Variants in CNTN6 observed in about 807,000 individuals in gnomAD.
CNTN6 encodes contactin-6.
A neutral mutation model predicts 122.8 loss-of-function variants in CNTN6; 137 were observed. The ratio of observed to expected loss-of-function variants is 1.12; its 90% CI spans 0.97 to 1.29. The LOEUF (loss-of-function observed/expected upper bound fraction) is 1.29. Among genes scored for constraint, CNTN6 ranks in the 50% most tolerant of loss-of-function variants. The pLI is 0.00. For synonymous variants in CNTN6, 570 were observed against 426.0 expected, an observed-to-expected ratio of 1.34 and a Z score of -4.16; for missense variants, 1,634 against 1,223.4, an observed-to-expected ratio of 1.34 and a Z score of -5.01.
intron 19 of CNTN6, among the ~76,000 whole-genome samples, chr3:1,384,683 TATATACAC>T (rs1390749161): frequency 2.8e-5 from 2 of 70,834 alleles, no homozygotes; most frequent in African/African-American, 1.3e-4. Context: ...TATATATATA[TATATACAC>T]ACACACACAC....
chr3:1,321,907 A>G (rs1217770732), intron 8 of CNTN6, 73 bp downstream of exon 8: 1 of 1,313,708 alleles, frequency 7.6e-7, no homozygotes, highest in Non-Finnish European at 1.0e-6. Flanking sequence ...GGAAGTCATT[A>G]GCATGTTGTG....
Position 1,229,416 on chromosome 3 carries a change from C to A in CNTN6, c.358+1423C>A, listed in dbSNP as rs943446271. Reference sequence around the variant, plus strand: ...TCAGATTCCATAATCATAAATTTGACTCTTTGGTAAAGGAAACTCCATACA... The same window carrying A: ...TCAGATTCCATAATCATAAATTTGAATCTTTGGTAAAGGAAACTCCATACA... On this transcript the variant is annotated intron_variant, in intron 4 of 22. Transcript: ENST00000446702. Among the ~76,000 whole-genome samples the A allele has an allele frequency of 6.5e-4, 99 of 152,064 alleles. 6 individuals carry two copies.
chr3:1,373,068 CAGAT>C (rs999617321), intron 14 of CNTN6, 113 bp downstream of exon 14: 2 of 649,216 alleles, frequency 3.1e-6, no homozygotes, highest in East Asian at 2.7e-5. Context: ...GAGATGTAAT[CAGAT>C]AGAGTTTTAT....
intron 2 of CNTN6, among the ~76,000 whole-genome samples, chr3:1,172,569 A>G (rs2093375812): frequency 6.6e-6 from 1 of 152,102 alleles, no homozygotes; most frequent in South Asian, 2.1e-4. Context: ...ACCATTTCCC[A>G]AAAGCATCCA....
At chr3:1,197,988 T>C (rs1448418225) in intron 2 of CNTN6, among the ~76,000 whole-genome samples, 2 of 152,076 alleles carry the variant, frequency 1.3e-5, no homozygotes, top group African/African-American at 2.4e-5. Flanking sequence ...GGAAATCAGG[T>C]AAAAAGCAAA....
chr3:1,279,945 T>C (rs1015361906), intron 5 of CNTN6, among the ~76,000 whole-genome samples: 4 of 152,232 alleles, frequency 2.6e-5, no homozygotes, highest in East Asian at 3.8e-4. Context: ...TAATGCTATA[T>C]TGAGATAAAA....
At chr3:1,137,649 A>G (rs2092512328) in intron 1 of CNTN6, among the ~76,000 whole-genome samples, 1 of 152,202 alleles carries the variant, frequency 6.6e-6, no homozygotes, top group South Asian at 2.1e-4. Flanking sequence ...TACACTTTGT[A>G]TGTACAAACT....
At chr3:1,125,428 A>G (rs1419128734) in intron 1 of CNTN6, among the ~76,000 whole-genome samples, 2 of 151,878 alleles carry the variant, frequency 1.3e-5, no homozygotes, top group African/African-American at 2.4e-5. Context: ...GGCTTGGAAC[A>G]TGACTTCCAA....
At chr3:1,343,221 T>C (rs1192488840) in intron 11 of CNTN6, among the ~76,000 whole-genome samples, 2 of 152,224 alleles carry the variant, frequency 1.3e-5, no homozygotes, top group Non-Finnish European at 2.9e-5. Context: ...GGACTGTTTA[T>C]GTTATCAGTA....
intron 2 of CNTN6, among the ~76,000 whole-genome samples, chr3:1,172,467 G>A (rs553342015): frequency 3.3e-5 from 5 of 152,212 alleles, no homozygotes; most frequent in South Asian, 2.1e-4. Context: ...TGAAACTTTC[G>A]AGTAAAGTTT....
intron 2 of CNTN6, among the ~76,000 whole-genome samples, chr3:1,181,614 G>T (rs1038005716): frequency 6.6e-6 from 1 of 152,128 alleles, no homozygotes; most frequent in African/African-American, 2.4e-5. Context: ...GTGTGTATGT[G>T]TGTCTCCAGG....
intron 1 of CNTN6, among the ~76,000 whole-genome samples, chr3:1,134,117 A>T (rs543521788): frequency 6.6e-6 from 1 of 152,312 alleles, no homozygotes; most frequent in South Asian, 2.1e-4. Context: ...ATCTGGGTAC[A>T]AGGCCCCGAT....
At chr3:1,347,650 A>G (rs1021308282) in intron 11 of CNTN6, among the ~76,000 whole-genome samples, 2 of 152,024 alleles carry the variant, frequency 1.3e-5, no homozygotes, top group African/African-American at 4.8e-5. Context: ...AGAAATAGTA[A>G]CTGGAGTCTT....
At chr3:1,214,014 T>C (rs1374413662) in intron 2 of CNTN6, among the ~76,000 whole-genome samples, 2 of 152,060 alleles carry the variant, frequency 1.3e-5, no homozygotes. Flanking sequence ...CATTCACTTC[T>C]CATTTTTCTA....
intron 2 of CNTN6, among the ~76,000 whole-genome samples, chr3:1,182,029 T>G (rs1196397437): frequency 6.6e-6 from 1 of 152,120 alleles, no homozygotes; most frequent in Admixed American, 6.6e-5. Flanking sequence ...CTTTTTTTTC[T>G]TAATCGTTCT....
At chr3:1,320,184 A>G (rs1700654299) in intron 7 of CNTN6, among the ~76,000 whole-genome samples, 1 of 151,680 alleles carries the variant, frequency 6.6e-6, no homozygotes, top group Admixed American at 6.6e-5. Context: ...TATGATAATA[A>G]TTATTTTTTA....
chr3:1,310,149 TA>T (rs1202873309), intron 7 of CNTN6, among the ~76,000 whole-genome samples: 1 of 152,106 alleles, frequency 6.6e-6, no homozygotes, highest in African/African-American at 2.4e-5. Flanking sequence ...GGATTTCCAA[TA>T]CAATGATGAC....
chr3:1,169,550 T>C (rs2093322710), intron 2 of CNTN6, among the ~76,000 whole-genome samples: 1 of 152,222 alleles, frequency 6.6e-6, no homozygotes, highest in African/African-American at 2.4e-5. Context: ...AAAAATAATA[T>C]AAAGAGGCTT....
chr3:1,241,845 T>G (rs1424670130), intron 4 of CNTN6, among the ~76,000 whole-genome samples: 1 of 152,210 alleles, frequency 6.6e-6, no homozygotes, highest in Non-Finnish European at 1.5e-5. Flanking sequence ...TGATAAAGTT[T>G]GTGATTTTGA....
Sources: gnomAD v4.1 joint callset for allele counts (sites outside exome capture counted in the v4.1 genomes callset) on GRCh38, gnomAD v4.1.1 for gene constraint, MANE v1.5 for transcripts, NCBI Gene and HGNC (gene_info 2026-07-23, HGNC 2026-07-21) for gene names.